The following ELMO1 variants were observed in gnomAD, a reference collection of about 807,000 sequenced individuals.
The protein encoded by ELMO1 is engulfment and cell motility protein 1.
In ELMO1, 26 loss-of-function variants were observed where a neutral mutation model predicts 98.9. The observed-to-expected ratio is 0.26, with a 90% CI of 0.19 to 0.36. The LOEUF (loss-of-function observed/expected upper bound fraction) is 0.36, where lower values mean the gene tolerates loss of function less well. Among genes scored for constraint, ELMO1 ranks in the 10% least tolerant of loss-of-function variants. ELMO1 has a pLI of 1.00. For missense variants in ELMO1, 627 were observed against 935.2 expected (o/e 0.67, Z 4.30); for synonymous variants, 346 against 346.0 (o/e 1.00, Z 0.00).
chr7:37,428,739 G>A (rs938457166), intron 1 of ELMO1, among the ~76,000 whole-genome samples: 5 of 152,244 alleles, frequency 3.3e-5, no homozygotes, highest in African/African-American at 1.2e-4. Flanking sequence ...TTAACATTCT[G>A]TCCTAATCCA....
At chr7:37,211,362 G>A (rs572994915) in intron 13 of ELMO1, 24 bp downstream of exon 13, 36 of 1,613,324 alleles carry the variant, frequency 2.2e-5, no homozygotes, top group East Asian at 4.5e-5. Context: ...GAGGGAGAGC[G>A]CATACTGGAG....
chr7:37,262,115 A>G (rs547135447), intron 5 of ELMO1, among the ~76,000 whole-genome samples: 2 of 152,360 alleles, frequency 1.3e-5, no homozygotes, highest in African/African-American at 4.8e-5. Context: ...ATACTTTATT[A>G]TATCTATTCT....
chr7:37,350,741 G>A (rs142676235), intron 1 of ELMO1, among the ~76,000 whole-genome samples: 6 of 152,298 alleles, frequency 3.9e-5, no homozygotes, highest in Admixed American at 3.3e-4. Context: ...TTTGGAGACA[G>A]GACCTCGAAA....
At chr7:37,359,612 G>A (rs571385983) in intron 1 of ELMO1, among the ~76,000 whole-genome samples, 1 of 152,306 alleles carries the variant, frequency 6.6e-6, no homozygotes, top group Admixed American at 6.5e-5. Flanking sequence ...GAGTCACTGA[G>A]GAAACTGGTC....
At position 36,854,218 on chromosome 7, in the gene ELMO1, C is replaced by T. The variant is rs1002211201; in HGVS notation, c.*1333G>A. ...GAGGGTTTCCCACAGCAGTGTTTTT[C>T]AAACCAATGTACATAAACATCACCC... On this transcript the variant is annotated 3_prime_UTR_variant, in exon 22 of 22. Coordinates refer to ENST00000310758, the MANE Select transcript of ELMO1 (RefSeq NM_014800.11). The T allele has an allele frequency of 6.6e-6, 1 of 152,122 alleles. No homozygotes were observed. The highest frequency in any genetic ancestry group is 6.5e-5 in the Admixed American group (1 of 15,272). 9.4% of individuals were successfully genotyped at this position (152,122 alleles called of 1,614,324 possible).
intron 4 of ELMO1, among the ~76,000 whole-genome samples, chr7:37,310,818 C>A (rs566988442): frequency 2.0e-5 from 3 of 152,250 alleles, no homozygotes; most frequent in African/African-American, 7.2e-5. Flanking sequence ...CCTGTACAAC[C>A]CCCACAAGTT....
In ELMO1 at chr7:36,887,729, G is replaced by A. The variant is rs1331187456; in HGVS notation, c.1602-57C>T. 12 of 1,538,682 alleles carry A rather than the reference G, an allele frequency of 7.8e-6. No homozygotes were observed. The East Asian group carries it at 2.5e-4, about 32-fold the overall frequency. The stretch of plus-strand genomic sequence containing the variant: ...TGCCTTGAGAAACAGAGTGTGGCTT[G>A]GTGGGCATCATGGGCATACGGGCAG... On this transcript the variant is annotated intron_variant, in intron 17 of 21. Coordinates refer to ENST00000310758, the MANE Select transcript of ELMO1 (RefSeq NM_014800.11).
At chr7:37,379,018 G>A (rs1012229460) in intron 1 of ELMO1, among the ~76,000 whole-genome samples, 1 of 151,880 alleles carries the variant, frequency 6.6e-6, no homozygotes, top group African/African-American at 2.4e-5. Flanking sequence ...ATTCTTAACA[G>A]GACTTTATCT....
chr7:37,162,621 G>GA, intron 13 of ELMO1, among the ~76,000 whole-genome samples: 1 of 152,090 alleles, frequency 6.6e-6, no homozygotes, highest in Non-Finnish European at 1.5e-5. Context: ...TTGACAAAGT[G>GA]AAAAAATTTT....
intron 12 of ELMO1, 97 bp downstream of exon 12, chr7:37,213,238 C>G (rs982425177): frequency 1.0e-5 from 15 of 1,471,322 alleles, no homozygotes; most frequent in Middle Eastern, 2.5e-4. Flanking sequence ...TCATATCAAA[C>G]TCTGAAACTC....
intron 13 of ELMO1, among the ~76,000 whole-genome samples, chr7:37,159,123 G>C (rs1789010889): frequency 6.6e-6 from 1 of 152,156 alleles, no homozygotes; most frequent in Non-Finnish European, 1.5e-5. Flanking sequence ...ATGCACACAG[G>C]GAGGGGAACA....
At chr7:37,216,513 A>G (rs1793291674) in intron 11 of ELMO1, 132 bp downstream of exon 11, 1 of 1,045,630 alleles carries the variant, frequency 9.6e-7, no homozygotes, top group Non-Finnish European at 1.4e-6. Flanking sequence ...TTTTTCCTTC[A>G]TTAGAGTTCC....
intron 4 of ELMO1, among the ~76,000 whole-genome samples, chr7:37,285,367 G>A (rs1797340271): frequency 1.3e-5 from 2 of 152,192 alleles, no homozygotes; most frequent in Non-Finnish European, 2.9e-5. Flanking sequence ...TTAAATAACA[G>A]TATGGTTTCT....
At position 36,854,646 on chromosome 7, in the gene ELMO1, T is replaced by A. The variant is rs1242055498; in HGVS notation, c.*905A>T. On this transcript the variant is annotated 3_prime_UTR_variant, in exon 22 of 22. Transcript: ENST00000310758. ...TGACAGCTTGACCATCCTGTGGAAC[T>A]TGAGTTGCAGCAGGACCTCCCAGGA... 1 of 152,472 alleles carries A rather than the reference T, an allele frequency of 6.6e-6. No homozygotes were observed. Among genetic ancestry groups the A allele is most frequent in the East Asian group, 1.9e-4 (1 of 5,176 alleles). 9.4% of individuals were successfully genotyped at this position (152,472 alleles called of 1,614,324 possible).
chr7:37,302,259 T>C (rs1167400460), intron 4 of ELMO1, among the ~76,000 whole-genome samples: 1 of 152,170 alleles, frequency 6.6e-6, no homozygotes, highest in Non-Finnish European at 1.5e-5. Context: ...TCAGTCCCCA[T>C]AGCTGGGACA....
intron 13 of ELMO1, among the ~76,000 whole-genome samples, chr7:37,206,902 A>C (rs1206931535): frequency 1.3e-5 from 2 of 152,190 alleles, no homozygotes; most frequent in Non-Finnish European, 2.9e-5. Flanking sequence ...AGAAAAAAAA[A>C]AGCCTTGTCT....
chr7:37,069,112 C>T lies in ELMO1; in HGVS notation c.1300+27507G>A, dbSNP rs1203402303. 5.9e-5 allele frequency among the ~76,000 whole-genome samples: 9 copies of T among 152,166 alleles called. No individual in the cohort carries two copies. The East Asian group carries it at 1.4e-3, about 23-fold the overall frequency. On this transcript the variant is annotated intron_variant, in intron 15 of 21. Transcript: ENST00000310758. ...GCAGCTGCTGCTCCCTGGGAGCCTC[C>T]CAGTGGTGGGAACAGCTCCAATCCC...
At chr7:37,409,885 A>G (rs1220299512) in intron 1 of ELMO1, among the ~76,000 whole-genome samples, 1 of 152,260 alleles carries the variant, frequency 6.6e-6, no homozygotes, top group African/African-American at 2.4e-5. Flanking sequence ...ATCATGTATG[A>G]TAAAAGATAC....
At chr7:37,079,598 C>A (rs189966124) in intron 15 of ELMO1, among the ~76,000 whole-genome samples, 1 of 152,156 alleles carries the variant, frequency 6.6e-6, no homozygotes, top group African/African-American at 2.4e-5. Context: ...TCCCCCACTC[C>A]GGTGAAATCA....
Sources: gnomAD v4.1 joint callset for allele counts (sites outside exome capture counted in the v4.1 genomes callset) on GRCh38, gnomAD v4.1.1 for gene constraint, MANE v1.5 for transcripts, NCBI Gene and HGNC (gene_info 2026-07-23, HGNC 2026-07-21) for gene names.